MARCHF4: variants seen among roughly 807,000 people sequenced by gnomAD.
MARCHF4 encodes the protein E3 ubiquitin-protein ligase MARCHF4.
A neutral mutation model predicts 43.9 loss-of-function variants in MARCHF4; 14 were observed. The observed-to-expected ratio is 0.32, with a 90% CI of 0.21 to 0.50. The LOEUF (loss-of-function observed/expected upper bound fraction) is 0.50, where lower values mean the gene tolerates loss of function less well. Ranked by LOEUF, MARCHF4 falls within the 20% of genes least tolerant of loss-of-function variation. The pLI is 0.98. For synonymous variants in MARCHF4, 226 were observed against 213.3 expected (o/e 1.06, Z -0.52); for missense variants, 468 against 536.7 (o/e 0.87, Z 1.27).
At chr2:216,264,146 CTG>C (rs1690805626) in intron 3 of MARCHF4, among the ~76,000 whole-genome samples, 1 of 152,204 alleles carries the variant, frequency 6.6e-6, no homozygotes. Flanking sequence ...GGTGTTCAAA[CTG>C]TGTCTGAAAT....
intron 1 of MARCHF4, among the ~76,000 whole-genome samples, chr2:216,328,022 C>T (rs1435707564): frequency 6.6e-6 from 1 of 150,556 alleles, no homozygotes; most frequent in Non-Finnish European, 1.5e-5. Context: ...GTCAAGAAAA[C>T]ATGTCTGCTG....
chr2:216,337,959 G>A (rs1692182188), intron 1 of MARCHF4, among the ~76,000 whole-genome samples: 1 of 152,114 alleles, frequency 6.6e-6, no homozygotes, highest in African/African-American at 2.4e-5. Flanking sequence ...ATCAGAAATG[G>A]CACTGCAATG....
intron 1 of MARCHF4, among the ~76,000 whole-genome samples, chr2:216,308,699 T>G (rs752359821): frequency 6.6e-6 from 1 of 152,188 alleles, no homozygotes. Flanking sequence ...TCTTGCAAAC[T>G]GATACAGGAA....
intron 3 of MARCHF4, among the ~76,000 whole-genome samples, chr2:216,272,991 T>C (rs766341154): frequency 6.6e-6 from 1 of 152,222 alleles, no homozygotes; most frequent in Admixed American, 6.5e-5. Context: ...CTCTGGAGTC[T>C]TCTCATTGAC....
intron 1 of MARCHF4, among the ~76,000 whole-genome samples, chr2:216,363,496 A>T (rs913767970): frequency 1.3e-4 from 20 of 152,218 alleles, no homozygotes; most frequent in Non-Finnish European, 2.6e-4. Flanking sequence ...GGGTTTTAAC[A>T]TCCTTACCTT....
intron 1 of MARCHF4, among the ~76,000 whole-genome samples, chr2:216,296,619 T>A (rs1269530210): frequency 6.6e-6 from 1 of 152,150 alleles, no homozygotes; most frequent in Non-Finnish European, 1.5e-5. Context: ...ATGATCTGCA[T>A]TTTAAGAGCT....
intron 3 of MARCHF4, among the ~76,000 whole-genome samples, chr2:216,276,873 C>T (rs1175787081): frequency 6.6e-6 from 1 of 152,090 alleles, no homozygotes; most frequent in Non-Finnish European, 1.5e-5. Flanking sequence ...GGGAAAGACC[C>T]AGCCCGCAAC....
At chr2:216,351,911 T>C (rs932363272) in intron 1 of MARCHF4, among the ~76,000 whole-genome samples, 2 of 152,222 alleles carry the variant, frequency 1.3e-5, no homozygotes, top group African/African-American at 2.4e-5. Context: ...AAGGCAAATG[T>C]AGTTCCTTGG....
intron 1 of MARCHF4, among the ~76,000 whole-genome samples, chr2:216,367,639 G>C (rs1200321162): frequency 6.6e-6 from 1 of 152,098 alleles, no homozygotes; most frequent in Non-Finnish European, 1.5e-5. Flanking sequence ...ATGCAGACAG[G>C]GCCCCCTAAT....
intron 1 of MARCHF4, among the ~76,000 whole-genome samples, chr2:216,320,785 C>G (rs1270404995): frequency 3.3e-5 from 5 of 150,120 alleles, no homozygotes; most frequent in Non-Finnish European, 7.4e-5. Flanking sequence ...ATTCTCCTGC[C>G]TCAGCCTCCT....
At chr2:216,261,349 G>A (rs1333062465) in intron 3 of MARCHF4, among the ~76,000 whole-genome samples, 1 of 152,082 alleles carries the variant, frequency 6.6e-6, no homozygotes, top group Non-Finnish European at 1.5e-5. Flanking sequence ...CATCACTCCA[G>A]CCTCTTTCTT....
At chr2:216,368,270 G>A (rs369050303) in intron 1 of MARCHF4, among the ~76,000 whole-genome samples, 5 of 152,162 alleles carry the variant, frequency 3.3e-5, no homozygotes, top group South Asian at 2.1e-4. Flanking sequence ...GTTGTCAGCC[G>A]AGCCACTCTA....
intron 1 of MARCHF4, among the ~76,000 whole-genome samples, chr2:216,300,652 T>A (rs1691479442): frequency 6.6e-6 from 1 of 152,110 alleles, no homozygotes; most frequent in Admixed American, 6.6e-5. Flanking sequence ...GGCCCTTAAA[T>A]GCATCATTCT....
At chr2:216,348,109 C>T (rs933385361) in intron 1 of MARCHF4, among the ~76,000 whole-genome samples, 1 of 148,134 alleles carries the variant, frequency 6.8e-6, no homozygotes, top group Non-Finnish European at 1.5e-5. Context: ...GTGATCTCAG[C>T]TCACTGAAAC....
At chr2:216,340,101 C>T (rs1037096147) in intron 1 of MARCHF4, among the ~76,000 whole-genome samples, 2 of 152,090 alleles carry the variant, frequency 1.3e-5, no homozygotes, top group African/African-American at 2.4e-5. Flanking sequence ...CCCAAGCCCT[C>T]GCCCCAAACA....
At chr2:216,301,113 T>A (rs1691486647) in intron 1 of MARCHF4, among the ~76,000 whole-genome samples, 1 of 152,142 alleles carries the variant, frequency 6.6e-6, no homozygotes, top group Admixed American at 6.5e-5. Context: ...TTGCTGAGAA[T>A]GGAATAGAAT....
At position 216,292,346 on chromosome 2, in the gene MARCHF4, G is replaced by C. The variant is rs148902397; in HGVS notation, c.517-8617C>G. Among the ~76,000 whole-genome samples the C allele has an allele frequency of 4.6e-5, 7 of 152,368 alleles. No individual in the cohort carries two copies. In the East Asian group the frequency reaches 7.7e-4, roughly 17 times the overall value. On this transcript the variant is annotated intron_variant, in intron 1 of 3. Transcript: ENST00000273067. ...GCAGGAAATGTCCAGTTGCCTTGTA[G>C]TTGTTCCACTGTGAAGACTCAGAGA...
At chr2:216,304,876 C>T (rs1691556814) in intron 1 of MARCHF4, among the ~76,000 whole-genome samples, 1 of 152,092 alleles carries the variant, frequency 6.6e-6, no homozygotes, top group Admixed American at 6.5e-5. Context: ...ATCGCTTGAA[C>T]CCAGGAGGTG....
At chr2:216,275,015 G>A (rs1690998051) in intron 3 of MARCHF4, among the ~76,000 whole-genome samples, 1 of 152,268 alleles carries the variant, frequency 6.6e-6, no homozygotes, top group South Asian at 2.1e-4. Flanking sequence ...TCCCATAGCT[G>A]TCTCCAAGCA....
Sources: allele counts gnomAD v4.1 joint callset (sites outside exome capture counted in the v4.1 genomes callset), GRCh38; gene constraint gnomAD v4.1.1; transcripts MANE v1.5; gene names NCBI Gene and HGNC (gene_info 2026-07-23, HGNC 2026-07-21).